The following CSE1L variants were observed in gnomAD, a reference collection of about 807,000 sequenced individuals.
CSE1L encodes chromosome segregation 1 like, also known as exportin-2.
Under a neutral mutation model 120.4 loss-of-function variants are expected in CSE1L, and 24 were observed. The ratio of observed to expected loss-of-function variants is 0.20; its 90% confidence interval spans 0.14 to 0.28. The LOEUF is 0.28. Ranked by LOEUF, CSE1L falls within the 10% of genes least tolerant of loss-of-function variation. CSE1L has a pLI of 1.00. For missense variants in CSE1L, 830 were observed against 1,145.2 expected (o/e 0.72, Z 3.97); for synonymous variants, 402 against 398.3 (o/e 1.01, Z -0.11).
chr20:49,056,486 T>C (rs1219401410), intron 1 of CSE1L, among the ~76,000 whole-genome samples: 1 of 152,196 alleles, frequency 6.6e-6, no homozygotes, highest in Non-Finnish European at 1.5e-5. Flanking sequence ...GTTAGTAAAT[T>C]TATGTAGATT....
At chr20:49,092,969 A>G (rs1347542336) in intron 22 of CSE1L, among the ~76,000 whole-genome samples, 1 of 152,210 alleles carries the variant, frequency 6.6e-6, no homozygotes, top group Non-Finnish European at 1.5e-5. Flanking sequence ...TTTGTTTTTG[A>G]CTTATCTGGT....
chr20:49,047,037 G>T (rs1451028916), intron 1 of CSE1L, among the ~76,000 whole-genome samples: 1 of 152,210 alleles, frequency 6.6e-6, no homozygotes, highest in East Asian at 1.9e-4. Context: ...AATTCTAGTC[G>T]GTACACCCGG....
In CSE1L at chr20:49,085,348, C is replaced by T. The variant is rs1184266348; in HGVS notation, c.1685C>T (p.Thr562Ile). The change falls in exon 16 of 25, where the codon ACA (threonine) becomes ATA (isoleucine). Residue 562 changes from threonine to isoleucine, a missense_variant. Around this residue, in one of 4 missense-constraint regions of CSE1L, gnomAD observed 168 missense variants for 267.9 expected, o/e 0.63. Transcript: ENST00000262982. Reference protein sequence around the residue: ...ILLTNLFKALTLPGSSENEYI... With the variant: ...ILLTNLFKALILPGSSENEYI... ...CTAACAAACCTTTTCAAAGCTCTCA[C>T]ACTTCCTGGCTCTTCAGAAAATGAA... is the stretch of plus-strand genomic sequence containing the variant. The T allele has an allele frequency of 3.7e-6, 6 of 1,613,944 alleles. No individual in the cohort carries two copies. In the Admixed American group the frequency reaches 5.0e-5, roughly 13 times the overall value.
At chr20:49,057,834 G>T (rs1262193122) in intron 1 of CSE1L, among the ~76,000 whole-genome samples, 1 of 152,112 alleles carries the variant, frequency 6.6e-6, no homozygotes, top group Non-Finnish European at 1.5e-5. Flanking sequence ...ATTTTACCAT[G>T]TTGACCAGGC....
At chr20:49,051,554 CA>C (rs2091766543) in intron 1 of CSE1L, among the ~76,000 whole-genome samples, 1 of 152,144 alleles carries the variant, frequency 6.6e-6, no homozygotes, top group Non-Finnish European at 1.5e-5. Context: ...CCAAAAAAAA[CA>C]AGAGTCCTGA....
chr20:49,067,352 G>T (rs568353901), intron 6 of CSE1L, 72 bp downstream of exon 6: 2 of 1,012,392 alleles, frequency 2.0e-6, no homozygotes, highest in East Asian at 2.6e-5. Flanking sequence ...TACATGTTAA[G>T]AGAATGCTTT....
intron 14 of CSE1L, 54 bp from the exon 15 acceptor site, chr20:49,083,972 T>TA: frequency 6.5e-7 from 1 of 1,532,718 alleles, no homozygotes; most frequent in Non-Finnish European, 8.9e-7. Flanking sequence ...AATTGTCTTT[T>TA]ACTCAAATAT....
intron 1 of CSE1L, among the ~76,000 whole-genome samples, chr20:49,053,539 C>T (rs1049478530): frequency 6.6e-5 from 10 of 151,050 alleles, no homozygotes; most frequent in African/African-American, 1.2e-4. Flanking sequence ...TTAGTAGAGA[C>T]GGGGTTTCAC....
At chr20:49,078,183 G>A (rs187815450) in intron 13 of CSE1L, among the ~76,000 whole-genome samples, 2 of 152,220 alleles carry the variant, frequency 1.3e-5, no homozygotes, top group East Asian at 3.9e-4. Flanking sequence ...TTAACATTTG[G>A]TGATCTATTC....
chr20:49,079,693 T>G (rs1054132655), intron 14 of CSE1L, among the ~76,000 whole-genome samples: 1 of 152,128 alleles, frequency 6.6e-6, no homozygotes, highest in African/African-American at 2.4e-5. Flanking sequence ...GGTCCCACAT[T>G]TGGGCCTGCG....
intron 12 of CSE1L, among the ~76,000 whole-genome samples, 190 bp downstream of exon 12, chr20:49,075,710 A>T (rs1480360241): frequency 6.6e-6 from 1 of 152,212 alleles, no homozygotes; most frequent in Non-Finnish European, 1.5e-5. Flanking sequence ...TAGACCAGAA[A>T]ATTGATAGAT....
chr20:49,062,024 CAGAA>C (rs1433239870), intron 2 of CSE1L, among the ~76,000 whole-genome samples: 1 of 152,090 alleles, frequency 6.6e-6, no homozygotes, highest in East Asian at 1.9e-4. Flanking sequence ...GAAATGAACA[CAGAA>C]AGGAACAGAC....
chr20:49,056,519 A>G (rs1432346698), intron 1 of CSE1L, among the ~76,000 whole-genome samples: 6 of 152,190 alleles, frequency 3.9e-5, no homozygotes, highest in Non-Finnish European at 1.5e-5. Flanking sequence ...CCACAGTCCA[A>G]TTTTAGAACA....
intron 1 of CSE1L, among the ~76,000 whole-genome samples, chr20:49,051,177 G>A (rs1250603487): frequency 6.6e-6 from 1 of 152,188 alleles, no homozygotes. Flanking sequence ...AGGGCATGGA[G>A]AGTAACTGAG....
At position 49,089,289 on chromosome 20, in the gene CSE1L, A is replaced by G; in HGVS notation, c.1864A>G (p.Ile622Val). 3 of 1,608,560 alleles carry G rather than the reference A, an allele frequency of 1.9e-6. No homozygotes were observed. The highest frequency in any genetic ancestry group is 2.5e-6 in the Non-Finnish European group (3 of 1,178,634). The change falls in exon 18 of 25, where the codon ATA (isoleucine) becomes GTA (valine). Residue 622 changes from isoleucine to valine, a missense_variant. By Grantham distance (29) the Ile-to-Val change is conservative. This residue lies in a region of CSE1L where 168 missense variants were observed against 267.9 expected (regional missense o/e 0.63). Transcript: ENST00000262982. ...PHFNHYMFEA[I>V]CLSIRITCKA... The stretch of plus-strand genomic sequence containing the variant: ...CTTTAATCACTACATGTTTGAAGCA[A>G]TATGTTTATCCATAAGAATAACTTG...
chr20:49,077,959 G>A (rs2091982100), intron 13 of CSE1L, among the ~76,000 whole-genome samples: 2 of 152,030 alleles, frequency 1.3e-5, no homozygotes, highest in African/African-American at 2.4e-5. Flanking sequence ...AGCCGAGATC[G>A]TGCCACTGCA....
At chr20:49,060,156 G>C (rs1600592747) in intron 2 of CSE1L, among the ~76,000 whole-genome samples, 1 of 147,526 alleles carries the variant, frequency 6.8e-6, no homozygotes, top group South Asian at 2.2e-4. Flanking sequence ...GTGCACTCTA[G>C]CCTGGGTGAC....
chr20:49,088,828 G>A (rs2092079542), intron 17 of CSE1L, among the ~76,000 whole-genome samples: 1 of 152,076 alleles, frequency 6.6e-6, no homozygotes, highest in Admixed American at 6.6e-5. Context: ...TATGCTAGTA[G>A]CCTTCCAAGA....
intron 3 of CSE1L, among the ~76,000 whole-genome samples, chr20:49,064,724 A>C (rs2091877835): frequency 6.6e-6 from 1 of 151,778 alleles, no homozygotes; most frequent in Admixed American, 6.6e-5. Flanking sequence ...TAAATCTCAG[A>C]ATGTTTAAAA....
Sources: allele counts gnomAD v4.1 joint callset (sites outside exome capture counted in the v4.1 genomes callset), GRCh38; gene constraint gnomAD v4.1.1; regional missense constraint gnomAD v4.1.1; transcripts MANE v1.5; gene names NCBI Gene and HGNC (gene_info 2026-07-23, HGNC 2026-07-21).